Variants in MSI1 observed in about 807,000 individuals in gnomAD.
MSI1 encodes the protein RNA-binding protein Musashi homolog 1.
Under a neutral mutation model 54.4 loss-of-function variants are expected in MSI1, and 15 were observed. The ratio of observed to expected loss-of-function variants is 0.28; its 90% CI spans 0.18 to 0.42. MSI1 has a LOEUF of 0.42. MSI1 is among the 20% of genes least tolerant of loss of function. The pLI, the probability that MSI1 is intolerant of heterozygous loss-of-function variation, is 1.00. For synonymous variants in MSI1, 200 were observed against 196.5 expected (o/e 1.02, Z -0.15); for missense variants, 304 against 506.0 (o/e 0.60, Z 3.83).
intron 10 of MSI1, 43 bp downstream of exon 10, chr12:120,353,256 C>A: frequency 1.3e-6 from 2 of 1,586,382 alleles, no homozygotes; most frequent in Non-Finnish European, 1.7e-6. Context: ...TGCCCGGGAA[C>A]CAGGGGCATG....
rs900767461 is a variant in MSI1, at chr12:120,358,003, G to GA, written c.452-106dup. 1.3e-5 allele frequency: 12 copies of GA among 921,340 alleles called. No individual in the cohort carries two copies. In the African/African-American group the frequency reaches 2.0e-4, roughly 15 times the overall value. 57.1% of individuals were successfully genotyped at this position (921,340 alleles called of 1,614,324 possible). On this transcript the variant is annotated intron_variant, in intron 7 of 14. Transcript: ENST00000257552. Reference sequence around the variant, plus strand: ...CCCCGCTCCTCTCTCTCTGGCGAGTGAGAGTTAATGAAAGGCTCTGCTCAC... The same window carrying GA: ...CCCCGCTCCTCTCTCTCTGGCGAGTGAAGAGTTAATGAAAGGCTCTGCTCAC...
chr12:120,356,088 T>C (rs970364871), intron 9 of MSI1, among the ~76,000 whole-genome samples: 3 of 152,128 alleles, frequency 2.0e-5, no homozygotes, highest in Admixed American at 6.5e-5. Flanking sequence ...CCTTCACCTC[T>C]TCCAGGAAGT....
intron 13 of MSI1, 45 bp from the exon 14 acceptor site, chr12:120,345,677 G>A (rs1428669139): frequency 6.2e-7 from 1 of 1,605,722 alleles, no homozygotes; most frequent in Non-Finnish European, 8.5e-7. Context: ...GGAAATAGAG[G>A]AAGATCAGGG....
chr12:120,365,312 C>T (rs938704669), intron 4 of MSI1, among the ~76,000 whole-genome samples: 1 of 152,264 alleles, frequency 6.6e-6, no homozygotes, highest in Non-Finnish European at 1.5e-5. Context: ...CCTCTTTGAA[C>T]GTCAGGGTCA....
At position 120,368,795 on chromosome 12, in the gene MSI1, G is replaced by T; in HGVS notation, c.100+38C>A. 7.1e-7 allele frequency: 1 copy of T among 1,410,028 alleles called. No individual in the cohort carries two copies. 87.3% of individuals were successfully genotyped at this position (1,410,028 alleles called of 1,614,324 possible). A position where few individuals can be genotyped will look rare whatever the true frequency, so the allele number is the denominator to read the frequency against. ...TCCGGGGCGCCGGGGGGTCCGGGGTGCCCTGCCGGACCGGCGGGCGCTCCC... is the reference window on the plus strand; with the variant it reads ...TCCGGGGCGCCGGGGGGTCCGGGGTTCCCTGCCGGACCGGCGGGCGCTCCC... On this transcript the variant is annotated intron_variant, in intron 2 of 14. Transcript: ENST00000257552. The surrounding 1 kb of genome is among the most constrained non-coding windows in gnomAD (Gnocchi z 6.6).
intron 9 of MSI1, among the ~76,000 whole-genome samples, chr12:120,354,011 C>T (rs1874862871): frequency 6.6e-6 from 1 of 151,880 alleles, no homozygotes; most frequent in South Asian, 2.1e-4. Context: ...GAGACAGGAT[C>T]TTGCTCTTTT....
At chr12:120,350,856 GA>G (rs977966566) in intron 11 of MSI1, among the ~76,000 whole-genome samples, 1 of 152,204 alleles carries the variant, frequency 6.6e-6, no homozygotes, top group African/African-American at 2.4e-5. Flanking sequence ...AAAAATAATG[GA>G]AAAATTCATA....
Position 120,347,640 on chromosome 12 carries a change from G to C in MSI1, c.791-126C>G, listed in dbSNP as rs992759764. 7.7e-6 allele frequency: 9 copies of C among 1,164,584 alleles called. No individual in the cohort carries two copies. In the African/African-American group the frequency reaches 1.4e-4, roughly 18 times the overall value. The allele number at this position is 1,164,584 out of a possible 1,614,324, so 72.1% of individuals were successfully genotyped here. A position where few individuals can be genotyped will look rare whatever the true frequency, so the allele number is the denominator to read the frequency against. On this transcript the variant is annotated intron_variant, in intron 11 of 14. Coordinates refer to ENST00000257552, the MANE Select transcript of MSI1 (RefSeq NM_002442.4). ...CCTCAGAGGGTTCCATGTAGCCCCA[G>C]GGTCAAGGCAGAAAAGGCTACCTTG...
In MSI1 at chr12:120,368,704, G is replaced by T; in HGVS notation, c.100+129C>A. On this transcript the variant is annotated intron_variant, in intron 2 of 14. Coordinates refer to ENST00000257552, the MANE Select transcript of MSI1 (RefSeq NM_002442.4). The surrounding 1 kb of genome is among the most constrained non-coding windows in gnomAD (Gnocchi z 6.6). ...CTGCGCTCTCGGGGTCTCCGGGCGG[G>T]GCGCGAAAGAGGGCGCGAGGGCGCC... 1.2e-6 allele frequency: 1 copy of T among 850,932 alleles called. No homozygotes were observed. Among genetic ancestry groups the T allele is most frequent in the Non-Finnish European group, 1.5e-6 (1 of 649,056 alleles). The allele number at this position is 850,932 out of a possible 1,614,324, so 52.7% of individuals were successfully genotyped here.
chr12:120,367,886 C>T, intron 4 of MSI1, 122 bp downstream of exon 4: 1 of 964,730 alleles, frequency 1.0e-6, no homozygotes, highest in African/African-American at 1.6e-5. Flanking sequence ...AGCCCTCTTA[C>T]TCAGAAAAAC....
At chr12:120,365,171 A>C (rs1280405737) in intron 4 of MSI1, among the ~76,000 whole-genome samples, 5 of 152,064 alleles carry the variant, frequency 3.3e-5, no homozygotes, top group Non-Finnish European at 7.4e-5. Flanking sequence ...TCAGCCTTCC[A>C]AAGTCCCGGG....
intron 11 of MSI1, among the ~76,000 whole-genome samples, chr12:120,349,185 T>A (rs1021066095): frequency 1.3e-5 from 2 of 149,826 alleles, no homozygotes; most frequent in African/African-American, 2.4e-5. Context: ...GACCTCTGCC[T>A]CCTGGATTCA....
intron 11 of MSI1, among the ~76,000 whole-genome samples, chr12:120,349,006 T>C (rs1874379466): frequency 6.6e-6 from 1 of 151,998 alleles, no homozygotes; most frequent in Admixed American, 6.6e-5. Context: ...CTCAAAGTGT[T>C]GGGATTACAG....
intron 8 of MSI1, 119 bp downstream of exon 8, chr12:120,357,697 G>C (rs1372764837): frequency 4.4e-6 from 4 of 908,298 alleles, no homozygotes; most frequent in Non-Finnish European, 6.9e-6. Context: ...GTAGAGACAG[G>C]GTTTCACTGT....
Position 120,369,121 on chromosome 12 carries a change from G to A in MSI1, c.-30C>T. On this transcript the variant is annotated 5_prime_UTR_variant, in exon 1 of 15. Coordinates refer to ENST00000257552, the MANE Select transcript of MSI1 (RefSeq NM_002442.4). Reference sequence around the variant, plus strand: ...AGCCGCGGGCGGCGCGGGCAGCGGAGCGGCGGCGGCGGCGGCGGCGGCGGC... The same window carrying A: ...AGCCGCGGGCGGCGCGGGCAGCGGAACGGCGGCGGCGGCGGCGGCGGCGGC... 2 of 987,946 alleles carry A rather than the reference G, an allele frequency of 2.0e-6. No individual in the cohort carries two copies. The highest frequency in any genetic ancestry group is 5.1e-4 in the Middle Eastern group (1 of 1,948). 61.2% of individuals were successfully genotyped at this position (987,946 alleles called of 1,614,324 possible). A position where few individuals can be genotyped will look rare whatever the true frequency, so the allele number is the denominator to read the frequency against.
chr12:120,366,382 G>A (rs1876019003), intron 4 of MSI1, among the ~76,000 whole-genome samples: 1 of 151,982 alleles, frequency 6.6e-6, no homozygotes, highest in African/African-American at 2.4e-5. Context: ...AAGTCCCACT[G>A]GGCTCCAGGG....
chr12:120,344,473 C>T (rs1457386521), intron 14 of MSI1, among the ~76,000 whole-genome samples: 1 of 152,052 alleles, frequency 6.6e-6, no homozygotes, highest in African/African-American at 2.4e-5. Context: ...GAGGCCAAGG[C>T]AGAGGAAGAT....
Position 120,347,452 on chromosome 12 carries a change from C to G in MSI1, c.853G>C (p.Gly285Arg). 6.2e-7 allele frequency: 1 copy of G among 1,614,108 alleles called. No homozygotes were observed. The highest frequency in any genetic ancestry group is 8.5e-7 in the Non-Finnish European group (1 of 1,180,044). ...GCACCTCAGAAGAGCTCACCTGTCC[C>G]TCGAACCACAGCCGCTGCCGCCGCT... ...AAAAAAAVVR[G>R]TGSHPWTMAP... The change falls in exon 12 of 15, where the codon GGG (glycine) becomes CGG (arginine). Residue 285 changes from glycine (G) to arginine (R), a missense_variant. By Grantham distance (125) the Gly-to-Arg change is moderately radical. This residue lies in a region of MSI1 where 147 missense variants were observed against 231.5 expected (regional missense o/e 0.64). Coordinates refer to ENST00000257552, the MANE Select transcript of MSI1 (RefSeq NM_002442.4).
At chr12:120,353,471 T>C (rs972506360) in intron 9 of MSI1, 92 bp from the exon 10 acceptor site, 19 of 1,126,264 alleles carry the variant, frequency 1.7e-5, no homozygotes, top group African/African-American at 3.1e-5. Flanking sequence ...TCCCCTCACC[T>C]TCCTTTATCA....
Sources: gnomAD v4.1 joint callset for allele counts (sites outside exome capture counted in the v4.1 genomes callset) on GRCh38, gnomAD v4.1.1 for gene constraint, gnomAD v4.1.1 regional missense constraint, Gnocchi (gnomAD v3.1) non-coding constraint, MANE v1.5 for transcripts, NCBI Gene and HGNC (gene_info 2026-07-23, HGNC 2026-07-21) for gene names.